Variants in ESR2 observed in about 807,000 individuals in gnomAD.
ESR2 encodes the protein estrogen receptor beta.
A neutral mutation model predicts 49.6 loss-of-function variants in ESR2; 36 were observed. The observed-to-expected ratio is 0.73, with a 90% CI of 0.56 to 0.96. The LOEUF (loss-of-function observed/expected upper bound fraction) is 0.96. Ranked by LOEUF, ESR2 falls within the 40% of genes least tolerant of loss-of-function variation. The pLI is 0.00. For missense variants in ESR2, 714 were observed against 693.0 expected, an observed-to-expected ratio of 1.03 and a Z score of -0.34; for synonymous variants, 320 against 266.1, an observed-to-expected ratio of 1.20 and a Z score of -1.97.
intron 7 of ESR2, among the ~76,000 whole-genome samples, chr14:64,237,815 CTAGAA>C (rs1350565623): frequency 6.6e-6 from 1 of 152,154 alleles, no homozygotes; most frequent in Non-Finnish European, 1.5e-5. Context: ...AATAAAATGT[CTAGAA>C]TAGGCAAATC....
At chr14:64,295,804 G>A (rs1241741586), upstream of ESR2, among the ~76,000 whole-genome samples, 1 of 152,116 alleles carries the variant, frequency 6.6e-6, no homozygotes, top group Non-Finnish European at 1.5e-5. Flanking sequence ...TCAGCACTTT[G>A]GGAGGCCGAG....
At chr14:64,316,847 T>C (rs544575975) in intron 1 of ESR2, among the ~76,000 whole-genome samples, 9 of 152,238 alleles carry the variant, frequency 5.9e-5, no homozygotes, top group Non-Finnish European at 1.0e-4. Context: ...CAGACTAATA[T>C]ACCACATGAA....
At chr14:64,335,669 G>A (rs1481486094) in intron 1 of ESR2, among the ~76,000 whole-genome samples, 1 of 152,016 alleles carries the variant, frequency 6.6e-6, no homozygotes. Flanking sequence ...GAAAGTTCAG[G>A]GGACACAATT....
rs753050523 is a variant in ESR2, at chr14:64,249,620, G to A, written c.1151C>T (p.Thr384Ile). Residue 384 changes from threonine to isoleucine, a missense_variant, in exon 7 of 9, where the codon ACT becomes ATT. Coordinates refer to ENST00000341099, the MANE Select transcript of ESR2 (RefSeq NM_001437.3). ...LEIFDMLLAT[T>I]SRFRELKLQH... ...GAGTTTTAACTCTCGAAACCTTGAAGTAGTTGCCAGGAGCATGTCAAAGAT... is the reference window on the plus strand; with the variant it reads ...GAGTTTTAACTCTCGAAACCTTGAAATAGTTGCCAGGAGCATGTCAAAGAT... The A allele has an allele frequency of 2.5e-6, 4 of 1,613,918 alleles. No individual in the cohort carries two copies. The South Asian group carries it at 4.4e-5, about 18-fold the overall frequency.
Position 64,230,372 on chromosome 14 carries a change from T to C in ESR2, c.*2765A>G, listed in dbSNP as rs903760749. ...TCTAGAATTGCTTCAATTCCACTTA[T>C]ATACATAAATATATATGGATATATA... is the stretch of plus-strand genomic sequence containing the variant. On this transcript the variant is annotated 3_prime_UTR_variant, in exon 9 of 9. Transcript: ENST00000341099. Among the ~76,000 whole-genome samples, 5 of 152,186 alleles carry C rather than the reference T, an allele frequency of 3.3e-5. No individual in the cohort carries two copies. Among genetic ancestry groups the C allele is most frequent in the African/African-American group, 9.7e-5 (4 of 41,448 alleles).
In ESR2 at chr14:64,263,939, C is replaced by T. The variant is rs115067383; in HGVS notation, c.653-3191G>A. On this transcript the variant is annotated intron_variant, in intron 4 of 8. Transcript: ENST00000341099. ...GTATTATTCAGATCATATTCTCTGA[C>T]GATAAGAAAAATGGAAATCAACAAC... Among the ~76,000 whole-genome samples, 1,104 of 152,026 alleles carry T rather than the reference C, an allele frequency of 7.3e-3. 17 individuals carry two copies. The highest frequency in any genetic ancestry group is 0.025 in the African/African-American group (1,054 of 41,462).
intron 7 of ESR2, among the ~76,000 whole-genome samples, chr14:64,236,465 A>G (rs1432649046): frequency 6.6e-6 from 1 of 151,960 alleles, no homozygotes; most frequent in Non-Finnish European, 1.5e-5. Flanking sequence ...AGAGGCCAAA[A>G]AGCAGATCTG....
intron 4 of ESR2, among the ~76,000 whole-genome samples, chr14:64,265,584 A>C (rs114960802): frequency 6.6e-6 from 1 of 152,250 alleles, no homozygotes; most frequent in Non-Finnish European, 1.5e-5. Flanking sequence ...ATATAAAGAT[A>C]TGGCACCCAA....
chr14:64,303,139 C>T (rs951344645), intron 1 of ESR2, among the ~76,000 whole-genome samples: 1 of 152,116 alleles, frequency 6.6e-6, no homozygotes, highest in Non-Finnish European at 1.5e-5. Flanking sequence ...ATTTGCAATT[C>T]GGTGATTAAA....
chr14:64,276,139 A>G (rs1395484688), intron 3 of ESR2, among the ~76,000 whole-genome samples: 2 of 152,334 alleles, frequency 1.3e-5, no homozygotes, highest in East Asian at 1.9e-4. Context: ...ACTATACACA[A>G]AACTATCAAA....
chr14:64,249,614 C>T lies in ESR2; in HGVS notation c.1157G>A (p.Arg386Lys), dbSNP rs1389878749. Residue 386 changes from arginine to lysine, a missense_variant, in exon 7 of 9, where the codon AGG (arginine) becomes AAG (lysine). Arg to Lys is a conservative substitution (Grantham distance 26). Coordinates refer to ENST00000341099, the MANE Select transcript of ESR2 (RefSeq NM_001437.3). ...IFDMLLATTS[R>K]FRELKLQHKE... The stretch of plus-strand genomic sequence containing the variant: ...GTGTTGGAGTTTTAACTCTCGAAAC[C>T]TTGAAGTAGTTGCCAGGAGCATGTC... 6.2e-6 allele frequency: 10 copies of T among 1,613,962 alleles called. No individual in the cohort carries two copies. The highest frequency in any genetic ancestry group is 1.3e-5 in the African/African-American group (1 of 75,026).
intron 1 of ESR2, among the ~76,000 whole-genome samples, chr14:64,327,216 A>C (rs2077400533): frequency 6.6e-6 from 1 of 152,178 alleles, no homozygotes; most frequent in East Asian, 1.9e-4. Flanking sequence ...TAATTCAAAC[A>C]ATTTTCAAAT....
chr14:64,239,883 A>G (rs1173010143), intron 7 of ESR2, among the ~76,000 whole-genome samples: 1 of 152,210 alleles, frequency 6.6e-6, no homozygotes, highest in Non-Finnish European at 1.5e-5. Flanking sequence ...CAAGAGAGAA[A>G]TATGTGCCTC....
Position 64,260,482 on chromosome 14 carries a change from C to T in ESR2, c.919G>A (p.Val307Ile). 2 of 1,530,840 alleles carry T rather than the reference C, an allele frequency of 1.3e-6. No homozygotes were observed. The highest frequency in any genetic ancestry group is 1.8e-6 in the Non-Finnish European group (2 of 1,139,834). The allele number at this position is 1,530,840 out of a possible 1,614,324, so 94.8% of individuals were successfully genotyped here. A position where few individuals can be genotyped will look rare whatever the true frequency, so the allele number is the denominator to read the frequency against. The change falls in exon 5 of 9, where the codon GTA (valine) becomes ATA (isoleucine). Residue 307 changes from valine to isoleucine, a missense_variant. Physicochemically the swap from Val to Ile is conservative, Grantham distance 29. Transcript: ENST00000341099. Reference sequence around the variant, plus strand: ...TTCTTGGCCCAGCTGATCATGTGTACCAACTCCTTGTCGGCCAACTTGGTC... The same window carrying T: ...TTCTTGGCCCAGCTGATCATGTGTATCAACTCCTTGTCGGCCAACTTGGTC... ...SLTKLADKEL[V>I]HMISWAKKIP...
chr14:64,259,353 C>G (rs2076165841), intron 5 of ESR2, among the ~76,000 whole-genome samples: 1 of 152,218 alleles, frequency 6.6e-6, no homozygotes, highest in South Asian at 2.1e-4. Context: ...CACCCCTCCT[C>G]ATCTTTACAG....
In ESR2 at chr14:64,302,192, A is replaced by T. The variant is rs1014150231; in HGVS notation, c.-90-19117T>A. ...TATTTATTTATTTATTTATTTATTT[A>T]TTTATTTATTTTTTGAGACAGTCTC... is the stretch of plus-strand genomic sequence containing the variant. On this transcript the variant is annotated intron_variant, in intron 1 of 8. Transcript: ENST00000358599. Among the ~76,000 whole-genome samples, 54 of 143,896 alleles carry T rather than the reference A, an allele frequency of 3.8e-4. No individual in the cohort carries two copies. In the East Asian group the frequency reaches 6.2e-3, roughly 17 times the overall value. The allele number at this position is 143,896 out of a possible 152,430, so 94.4% of individuals were successfully genotyped here.
At position 64,294,354 on chromosome 14, in the gene ESR2, A is replaced by G. The variant is rs1326732382; in HGVS notation, c.-412T>C. 6.6e-6 allele frequency: 1 copy of G among 152,382 alleles called. No homozygotes were observed. Among genetic ancestry groups the G allele is most frequent in the Non-Finnish European group, 1.5e-5 (1 of 68,152 alleles). The allele number at this position is 152,382 out of a possible 1,614,324, so 9.4% of individuals were successfully genotyped here. A position where few individuals can be genotyped will look rare whatever the true frequency, so the allele number is the denominator to read the frequency against. ...GTCCAAAAAGCCAGCAGCTGGAGAAACTGAAAAGATCACAAGCGACTTAAC... is the reference window on the plus strand; with the variant it reads ...GTCCAAAAAGCCAGCAGCTGGAGAAGCTGAAAAGATCACAAGCGACTTAAC... On this transcript the variant is annotated 5_prime_UTR_variant, in exon 1 of 9. Transcript: ENST00000341099.
chr14:64,234,960 G>A lies in ESR2; in HGVS notation c.1406+10C>T. The stretch of plus-strand genomic sequence containing the variant: ...CAAGCCCAAGCAGAGCAGCTCCTTA[G>A]GGCGCGTACCTCGCATGCCTGACGT... On this transcript the variant is annotated intron_variant, in intron 8 of 8. Coordinates refer to ENST00000341099, the MANE Select transcript of ESR2 (RefSeq NM_001437.3). 3 of 1,613,326 alleles carry A rather than the reference G, an allele frequency of 1.9e-6. No homozygotes were observed. Among genetic ancestry groups the A allele is most frequent in the Non-Finnish European group, 2.5e-6 (3 of 1,179,392 alleles).
intron 1 of ESR2, among the ~76,000 whole-genome samples, chr14:64,285,835 A>AC (rs1432585120): frequency 1.3e-5 from 2 of 151,306 alleles, no homozygotes; most frequent in Admixed American, 6.6e-5. Context: ...TCAAAAAAAA[A>AC]AAAAAAAGAA....
Sources: allele counts gnomAD v4.1 joint callset (sites outside exome capture counted in the v4.1 genomes callset), GRCh38; gene constraint gnomAD v4.1.1; transcripts MANE v1.5; gene names NCBI Gene and HGNC (gene_info 2026-07-23, HGNC 2026-07-21).